GRID1: variants seen among roughly 807,000 people sequenced by gnomAD.
GRID1 encodes glutamate receptor ionotropic, delta-1.
GRID1 carries 28 observed loss-of-function variants against 98.0 expected under a neutral mutation model. That is an observed-to-expected ratio of 0.29 (90% CI 0.21 to 0.39). The LOEUF is 0.39. GRID1 is among the 10% of genes least tolerant of loss of function. The pLI, the probability that GRID1 is intolerant of heterozygous loss-of-function variation, is 1.00. For synonymous variants in GRID1, 553 were observed against 538.5 expected (o/e 1.03, Z -0.37); for missense variants, 1,111 against 1,340.5 (o/e 0.83, Z 2.67).
chr10:86,116,597 C>T (rs1353704010), intron 4 of GRID1, among the ~76,000 whole-genome samples: 1 of 152,152 alleles, frequency 6.6e-6, no homozygotes, highest in Non-Finnish European at 1.5e-5. Context: ...ACCTCTGACT[C>T]ATCTATTTCC....
intron 4 of GRID1, among the ~76,000 whole-genome samples, chr10:85,998,806 A>C (rs969712187): frequency 6.6e-6 from 1 of 152,238 alleles, no homozygotes; most frequent in Non-Finnish European, 1.5e-5. Flanking sequence ...AAAGTAAGAT[A>C]AAACATCACA....
At chr10:85,730,340 T>C (rs565882273) in intron 8 of GRID1, among the ~76,000 whole-genome samples, 1 of 152,206 alleles carries the variant, frequency 6.6e-6, no homozygotes, top group South Asian at 2.1e-4. Flanking sequence ...TGAGACTGCT[T>C]CCCCTCCCTG....
intron 8 of GRID1, among the ~76,000 whole-genome samples, chr10:85,760,686 C>A (rs1268400855): frequency 6.6e-6 from 1 of 152,160 alleles, no homozygotes; most frequent in African/African-American, 2.4e-5. Context: ...ACATTTGCAA[C>A]ACGTTCTATA....
intron 2 of GRID1, among the ~76,000 whole-genome samples, chr10:86,339,331 G>A (rs939569388): frequency 6.6e-6 from 1 of 152,228 alleles, no homozygotes; most frequent in African/African-American, 2.4e-5. Context: ...CAGAGGCCAG[G>A]CCAGGGCACC....
chr10:85,761,507 G>A (rs1246050192), intron 8 of GRID1, among the ~76,000 whole-genome samples: 2 of 152,224 alleles, frequency 1.3e-5, no homozygotes, highest in East Asian at 3.9e-4. Context: ...TGCCCACGGT[G>A]TGCAGAGGTA....
Position 85,978,447 on chromosome 10 carries a change from T to A in GRID1, c.727-62208A>T, listed in dbSNP as rs552013679. On this transcript the variant is annotated intron_variant, in intron 4 of 15. Coordinates refer to ENST00000327946, the MANE Select transcript of GRID1 (RefSeq NM_017551.3). ...TAAATTAGAGCCAGGGAAAAGTGAATACATTTGTACAAACCTAAGCATTAA... is the reference window on the plus strand; with the variant it reads ...TAAATTAGAGCCAGGGAAAAGTGAAAACATTTGTACAAACCTAAGCATTAA... Among the ~76,000 whole-genome samples, 16 of 152,314 alleles carry A rather than the reference T, an allele frequency of 1.1e-4. 1 individual carries two copies. In the South Asian group the frequency reaches 3.1e-3, roughly 30 times the overall value.
At chr10:85,820,735 A>C (rs1313806829) in intron 8 of GRID1, among the ~76,000 whole-genome samples, 1 of 152,196 alleles carries the variant, frequency 6.6e-6, no homozygotes, top group Admixed American at 6.5e-5. Context: ...ACCATTTATA[A>C]TGGCTAAAAA....
chr10:85,902,088 G>A (rs973676371), intron 5 of GRID1, among the ~76,000 whole-genome samples: 5 of 152,156 alleles, frequency 3.3e-5, no homozygotes, highest in Non-Finnish European at 7.3e-5. Context: ...AGGCACTAAT[G>A]TGCAAAATAA....
chr10:86,001,179 G>T (rs1274967454), intron 4 of GRID1, among the ~76,000 whole-genome samples: 3 of 152,152 alleles, frequency 2.0e-5, no homozygotes, highest in Admixed American at 6.5e-5. Flanking sequence ...GTGATTGCTA[G>T]AGGCTCAGGG....
At chr10:86,188,877 G>C (rs1845762758) in intron 3 of GRID1, among the ~76,000 whole-genome samples, 1 of 152,178 alleles carries the variant, frequency 6.6e-6, no homozygotes, top group African/African-American at 2.4e-5. Context: ...AAGTGGCAGA[G>C]CATAAGTTGA....
At chr10:85,994,532 G>A (rs1454816551) in intron 4 of GRID1, among the ~76,000 whole-genome samples, 2 of 152,158 alleles carry the variant, frequency 1.3e-5, no homozygotes, top group East Asian at 3.8e-4. Context: ...CCATAAAACT[G>A]GCCAAACCCA....
At chr10:85,621,319 G>T (rs1244119169) in intron 13 of GRID1, among the ~76,000 whole-genome samples, 1 of 152,162 alleles carries the variant, frequency 6.6e-6, no homozygotes, top group African/African-American at 2.4e-5. Context: ...AATAGGTCAT[G>T]CTAGCAAGCT....
rs186920345 is a variant in GRID1 at position 85,852,545 on chromosome 10, G to A, written c.1233+1951C>T. On this transcript the variant is annotated intron_variant, in intron 8 of 15. Coordinates refer to ENST00000327946, the MANE Select transcript of GRID1 (RefSeq NM_017551.3). ...CCACCAAAAGAAGTAGGTGGGAGACGGAAGGAGCTGGCAGGCAGGACCTAA... is the reference window on the plus strand; with the variant it reads ...CCACCAAAAGAAGTAGGTGGGAGACAGAAGGAGCTGGCAGGCAGGACCTAA... Among the ~76,000 whole-genome samples the A allele has an allele frequency of 5.4e-3, 817 of 152,324 alleles. 7 individuals carry two copies. Among genetic ancestry groups the A allele is most frequent in the Non-Finnish European group, 4.9e-3 (334 of 68,030 alleles).
chr10:85,962,126 T>C (rs949824371), intron 4 of GRID1, among the ~76,000 whole-genome samples: 1 of 152,108 alleles, frequency 6.6e-6, no homozygotes, highest in Non-Finnish European at 1.5e-5. Flanking sequence ...TCTCCTTTGG[T>C]CAGGCCTCCT....
At chr10:85,772,180 A>G (rs1465459495) in intron 8 of GRID1, among the ~76,000 whole-genome samples, 8 of 151,608 alleles carry the variant, frequency 5.3e-5, no homozygotes, top group Non-Finnish European at 8.8e-5. Flanking sequence ...ACTCAAAACC[A>G]CTCAACTACA....
intron 3 of GRID1, among the ~76,000 whole-genome samples, chr10:86,166,133 C>CT (rs1005609400): frequency 1.1e-3 from 173 of 152,106 alleles, no homozygotes; most frequent in African/African-American, 4.0e-3. Flanking sequence ...TATTATTATA[C>CT]TTTAAGTTCT....
chr10:85,800,544 T>C (rs1479946838), intron 8 of GRID1, among the ~76,000 whole-genome samples: 2 of 152,004 alleles, frequency 1.3e-5, no homozygotes, highest in East Asian at 3.9e-4. Context: ...GATGACCACA[T>C]AGCTAAATTT....
intron 4 of GRID1, among the ~76,000 whole-genome samples, chr10:86,005,778 G>T (rs765544854): frequency 1.3e-5 from 2 of 152,176 alleles, no homozygotes; most frequent in African/African-American, 4.8e-5. Flanking sequence ...TGATATGGAA[G>T]GGTAAGTGAC....
At chr10:85,980,374 A>G (rs1842529854) in intron 4 of GRID1, among the ~76,000 whole-genome samples, 1 of 152,262 alleles carries the variant, frequency 6.6e-6, no homozygotes, top group Non-Finnish European at 1.5e-5. Context: ...CTTATCCTGC[A>G]GTAGGAGTTT....
Sources: gnomAD v4.1 joint callset for allele counts (sites outside exome capture counted in the v4.1 genomes callset) on GRCh38, gnomAD v4.1.1 for gene constraint, MANE v1.5 for transcripts, NCBI Gene and HGNC (gene_info 2026-07-23, HGNC 2026-07-21) for gene names.